The following ACCSL variants were observed in gnomAD, a reference collection of about 807,000 sequenced individuals.
ACCSL encodes the protein probable inactive 1-aminocyclopropane-1-carboxylate synthase-like protein 2.
ACCSL carries 55 observed loss-of-function variants against 61.7 expected under a neutral mutation model. The observed-to-expected ratio is 0.89, with a 90% CI of 0.72 to 1.12. The LOEUF (loss-of-function observed/expected upper bound fraction) is 1.12. Ranked by LOEUF, ACCSL falls within the 50% of genes most tolerant of loss-of-function variation. The probability of loss-of-function intolerance (pLI) is 0.00; values close to 1 mark genes in which losing one functional copy is unlikely to be tolerated. For synonymous variants in ACCSL, 258 were observed against 264.3 expected (o/e 0.98, Z 0.23); for missense variants, 632 against 698.0 (o/e 0.91, Z 1.07).
At chr11:43,928,803 A>T in the ACCSL span, among the ~76,000 whole-genome samples, 1 of 152,242 alleles carries the variant, frequency 6.6e-6, no homozygotes, top group Non-Finnish European at 1.5e-5. Context: ...AAAGAGAGTT[A>T]GGGAGGCTGG....
the ACCSL span, among the ~76,000 whole-genome samples, chr11:43,936,260 G>C: frequency 8.9e-4 from 136 of 152,300 alleles, no homozygotes; most frequent in African/African-American, 3.1e-3. Flanking sequence ...CTTTTAAATT[G>C]TGAGTCAGGC....
the ACCSL span, among the ~76,000 whole-genome samples, chr11:43,930,224 G>T: frequency 1.6e-4 from 24 of 152,348 alleles, no homozygotes; most frequent in South Asian, 8.3e-4. Flanking sequence ...AACCTGGCCT[G>T]TGTCCTGGCA....
At chr11:44,028,174 A>T in the ACCSL span, among the ~76,000 whole-genome samples, 4,377 of 152,006 alleles carry the variant, frequency 0.029, 226 homozygotes, top group African/African-American at 0.1. Context: ...TCTTAAAAAA[A>T]ATTGAGTCCA....
chr11:43,990,326 C>G, the ACCSL span, among the ~76,000 whole-genome samples: 1 of 152,166 alleles, frequency 6.6e-6, no homozygotes, highest in African/African-American at 2.4e-5. Flanking sequence ...TCTCATTGTT[C>G]TGGAGGCTGG....
chr11:43,968,460 G>A, the ACCSL span, among the ~76,000 whole-genome samples: 1 of 151,892 alleles, frequency 6.6e-6, no homozygotes, highest in African/African-American at 2.4e-5. Flanking sequence ...TGTTGAGTTT[G>A]TGGTTTATAT....
At chr11:44,022,093 A>G in the ACCSL span, among the ~76,000 whole-genome samples, 3 of 151,886 alleles carry the variant, frequency 2.0e-5, no homozygotes, top group Non-Finnish European at 2.9e-5. Flanking sequence ...TGCTGTAGCT[A>G]TGAGGGCTCT....
At chr11:43,941,885 T>C in the ACCSL span, among the ~76,000 whole-genome samples, 1 of 147,364 alleles carries the variant, frequency 6.8e-6, no homozygotes, top group Non-Finnish European at 1.5e-5. Context: ...GTTGTTGTTG[T>C]TGTTAGTGCC....
At chr11:43,950,163 C>T in the ACCSL span, among the ~76,000 whole-genome samples, 1 of 152,204 alleles carries the variant, frequency 6.6e-6, no homozygotes, top group Non-Finnish European at 1.5e-5. Context: ...AAGCCCCCAC[C>T]TTCGAGTTGT....
intron 5 of ACCSL, 48 bp from the exon 6 acceptor site, chr11:44,052,603 GGCAACAGGCTC>G (rs1178861079): frequency 1.4e-6 from 2 of 1,471,792 alleles, no homozygotes; most frequent in Non-Finnish European, 1.9e-6. Flanking sequence ...TGGGGAGCCT[GGCAACAGGCTC>G]TGATTGGGAG....
the ACCSL span, among the ~76,000 whole-genome samples, chr11:44,027,741 T>A: frequency 6.6e-6 from 1 of 152,320 alleles, no homozygotes; most frequent in East Asian, 1.9e-4. Flanking sequence ...TAATTTAAGG[T>A]AATATATAGA....
At chr11:43,925,921 T>C in the ACCSL span, among the ~76,000 whole-genome samples, 1 of 152,196 alleles carries the variant, frequency 6.6e-6, no homozygotes, top group Non-Finnish European at 1.5e-5. Flanking sequence ...ATTTTTTAAG[T>C]GCACCATTTC....
chr11:44,059,501 G>A (rs1306825574), intron 13 of ACCSL, among the ~76,000 whole-genome samples: 2 of 152,228 alleles, frequency 1.3e-5, no homozygotes, highest in African/African-American at 4.8e-5. Context: ...GAAGGTTTTT[G>A]TTACAGAATT....
At chr11:43,947,648 G>A in the ACCSL span, among the ~76,000 whole-genome samples, 1 of 151,962 alleles carries the variant, frequency 6.6e-6, no homozygotes, top group South Asian at 2.1e-4. Flanking sequence ...AGAGATGCAG[G>A]GGAATAGGAT....
chr11:44,014,535 A>C, the ACCSL span, among the ~76,000 whole-genome samples: 1 of 143,544 alleles, frequency 7.0e-6, no homozygotes, highest in Non-Finnish European at 1.5e-5. Context: ...GAGAGGTGCC[A>C]CTGTCTTTTA....
the ACCSL span, among the ~76,000 whole-genome samples, chr11:43,956,996 T>G: frequency 6.6e-6 from 1 of 151,952 alleles, no homozygotes; most frequent in Non-Finnish European, 1.5e-5. Flanking sequence ...TAAGATAAGG[T>G]GAAGGTTTGA....
At chr11:43,963,357 A>G in the ACCSL span, among the ~76,000 whole-genome samples, 2 of 152,210 alleles carry the variant, frequency 1.3e-5, no homozygotes, top group Non-Finnish European at 2.9e-5. Flanking sequence ...CCCAGTGACA[A>G]GCTTTCTCCA....
At chr11:44,022,689 A>T in the ACCSL span, among the ~76,000 whole-genome samples, 1 of 152,126 alleles carries the variant, frequency 6.6e-6, no homozygotes, top group East Asian at 1.9e-4. Context: ...AATAAATCCC[A>T]CTTGGTTGTG....
chr11:43,998,724 A>G, the ACCSL span, among the ~76,000 whole-genome samples: 2 of 151,566 alleles, frequency 1.3e-5, no homozygotes, highest in Non-Finnish European at 2.9e-5. Flanking sequence ...CACCTTCTTC[A>G]TAGATTCATT....
chr11:43,925,532 T>A, the ACCSL span: 140 of 442,150 alleles, frequency 3.2e-4, 1 homozygote, highest in East Asian at 9.4e-3. Context: ...ATGAGGGGAA[T>A]TAGCTGGACA....
Sources: allele counts gnomAD v4.1 joint callset (sites outside exome capture counted in the v4.1 genomes callset), GRCh38; gene constraint gnomAD v4.1.1; transcripts MANE v1.5; gene names NCBI Gene and HGNC (gene_info 2026-07-23, HGNC 2026-07-21).